The following NFILZ variants were observed in gnomAD, a reference collection of about 807,000 sequenced individuals.
NFILZ encodes the protein NFIL3 like basic leucine zipper.
chr19:8,663,746 G>GTGTGTATGTGTGTGTA (rs1555674960), intron 3 of NFILZ, among the ~76,000 whole-genome samples: 954 of 51,940 alleles, frequency 0.018, 30 homozygotes, highest in African/African-American at 0.038. Context: ...GTGTGTGTGT[G>GTGTGTATGTGTGTGTA]TGTGTGTGTG....
At chr19:8,634,515 T>C (rs1265924127) in intron 2 of NFILZ, among the ~76,000 whole-genome samples, 1 of 152,228 alleles carries the variant, frequency 6.6e-6, no homozygotes, top group East Asian at 1.9e-4. Flanking sequence ...TCCTCTTGCC[T>C]CAGCCTACCA....
In NFILZ at chr19:8,678,927, G is replaced by C. The variant is rs2043131832; in HGVS notation, c.*1292G>C. Among the ~76,000 whole-genome samples, 1 of 152,156 alleles carries C rather than the reference G, an allele frequency of 6.6e-6. No homozygotes were observed. The highest frequency in any genetic ancestry group is 1.5e-5 in the Non-Finnish European group (1 of 68,014). On this transcript the variant is annotated 3_prime_UTR_variant, in exon 6 of 6. Transcript: ENST00000691075. ...TCCTGGGGTAGGAATGGGTGTTTGGGAAGAAACATACTGAAGACCAGACTG... is the reference window on the plus strand; with the variant it reads ...TCCTGGGGTAGGAATGGGTGTTTGGCAAGAAACATACTGAAGACCAGACTG...
chr19:8,644,670 T>C (rs782329486), intron 3 of NFILZ, among the ~76,000 whole-genome samples: 1 of 152,108 alleles, frequency 6.6e-6, no homozygotes, highest in Non-Finnish European at 1.5e-5. Context: ...CTTACCGTGT[T>C]GCCCAGGCTG....
At chr19:8,638,153 G>A (rs1210788027) in intron 3 of NFILZ, among the ~76,000 whole-genome samples, 4 of 152,002 alleles carry the variant, frequency 2.6e-5, no homozygotes, top group African/African-American at 9.7e-5. Context: ...AAAGAATTGG[G>A]CACAGGCACA....
At chr19:8,672,429 T>A (rs554232563) in intron 3 of NFILZ, among the ~76,000 whole-genome samples, 3 of 151,700 alleles carry the variant, frequency 2.0e-5, no homozygotes, top group Non-Finnish European at 4.4e-5. Flanking sequence ...TAATTCAAAA[T>A]AATCCATGCA....
At chr19:8,645,440 CCT>C (rs2042935246) in intron 3 of NFILZ, among the ~76,000 whole-genome samples, 1 of 151,862 alleles carries the variant, frequency 6.6e-6, no homozygotes, top group Non-Finnish European at 1.5e-5. Context: ...GTTCCTGGCT[CCT>C]ACATTACTTT....
intron 4 of NFILZ, among the ~76,000 whole-genome samples, chr19:8,676,021 A>G (rs2043108607): frequency 6.6e-6 from 1 of 152,194 alleles, no homozygotes; most frequent in Non-Finnish European, 1.5e-5. Flanking sequence ...TGAATGGATG[A>G]GTGAGTAAGT....
rs1432956314 is a variant in NFILZ at position 8,680,174 on chromosome 19, C to A, written c.*2539C>A. The stretch of plus-strand genomic sequence containing the variant: ...TTGCACCACTGCAGTCCAGCCTGGG[C>A]GACAGAGCGAGACTCCATCTGAAAA... On this transcript the variant is annotated 3_prime_UTR_variant, in exon 6 of 6. Transcript: ENST00000691075. Among the ~76,000 whole-genome samples the A allele has an allele frequency of 7.8e-6, 1 of 128,290 alleles. No individual in the cohort carries two copies. Among genetic ancestry groups the A allele is most frequent in the Non-Finnish European group, 1.6e-5 (1 of 64,412 alleles). 84.2% of individuals were successfully genotyped at this position (128,290 alleles called of 152,430 possible).
intron 3 of NFILZ, among the ~76,000 whole-genome samples, chr19:8,656,277 A>G (rs1337748751): frequency 2.2e-5 from 2 of 90,822 alleles, no homozygotes; most frequent in South Asian, 4.8e-4. Flanking sequence ...TCTGAAGCCC[A>G]CCTTCTCCCC....
At chr19:8,647,078 A>T (rs2042942045) in intron 3 of NFILZ, among the ~76,000 whole-genome samples, 1 of 152,308 alleles carries the variant, frequency 6.6e-6, no homozygotes, top group South Asian at 2.1e-4. Context: ...TGAGGATCAG[A>T]GGAGGCTATT....
intron 3 of NFILZ, among the ~76,000 whole-genome samples, chr19:8,636,881 T>G (rs1465601355): frequency 1.3e-5 from 2 of 152,118 alleles, no homozygotes; most frequent in Non-Finnish European, 2.9e-5. Context: ...CATTAGCCAT[T>G]GCGCCTGGCC....
chr19:8,660,419 C>T (rs1020635258), intron 3 of NFILZ, among the ~76,000 whole-genome samples: 2 of 151,758 alleles, frequency 1.3e-5, no homozygotes, highest in African/African-American at 2.4e-5. Flanking sequence ...CAAGCAAATA[C>T]GACCATCGGT....
At chr19:8,639,666 C>T (rs2042910547) in intron 3 of NFILZ, among the ~76,000 whole-genome samples, 1 of 151,810 alleles carries the variant, frequency 6.6e-6, no homozygotes, top group Non-Finnish European at 1.5e-5. Flanking sequence ...TGAGGGTGTC[C>T]TCTCTGGCTG....
chr19:8,653,122 C>G (rs1156633133), intron 3 of NFILZ, among the ~76,000 whole-genome samples: 2 of 149,532 alleles, frequency 1.3e-5, no homozygotes, highest in Non-Finnish European at 3.0e-5. Flanking sequence ...GCTCTTGTTG[C>G]CCAGGCTGGA....
At position 8,659,261 on chromosome 19, in the gene NFILZ, T is replaced by A. The variant is rs546481059; in HGVS notation, c.-163-15290T>A. Among the ~76,000 whole-genome samples, 73 of 150,072 alleles carry A rather than the reference T, an allele frequency of 4.9e-4. No individual in the cohort carries two copies. The South Asian group carries it at 6.1e-3, about 13-fold the overall frequency. On this transcript the variant is annotated intron_variant, in intron 3 of 5. Transcript: ENST00000691075. ...AGACTCCATCTCAAAAAAAAAAAATTTTTTTTTAAAAAGAAAGAGACATTA... is the reference window on the plus strand; with the variant it reads ...AGACTCCATCTCAAAAAAAAAAAATATTTTTTTAAAAAGAAAGAGACATTA...
intron 3 of NFILZ, among the ~76,000 whole-genome samples, chr19:8,659,871 G>A (rs1555748882): frequency 1.3e-5 from 2 of 151,978 alleles, no homozygotes; most frequent in African/African-American, 4.8e-5. Flanking sequence ...TTTGAGCATA[G>A]TTTCGGAGAT....
intron 3 of NFILZ, among the ~76,000 whole-genome samples, chr19:8,656,709 C>T (rs1416253405): frequency 1.3e-5 from 2 of 152,346 alleles, no homozygotes; most frequent in East Asian, 3.9e-4. Context: ...AGAGCATGGC[C>T]TCCTTGCACT....
At chr19:8,666,256 A>G (rs138880970) in intron 3 of NFILZ, among the ~76,000 whole-genome samples, 10 of 152,044 alleles carry the variant, frequency 6.6e-5, no homozygotes, top group East Asian at 1.9e-4. Context: ...TGTCACTCCT[A>G]TCATCCAGGT....
intron 1 of NFILZ, 34 bp from the exon 2 acceptor site, chr19:8,632,442 G>C (rs1356530730): frequency 2.0e-5 from 3 of 152,052 alleles, no homozygotes; most frequent in Non-Finnish European, 4.4e-5. Flanking sequence ...CAAGATACAG[G>C]TCATAAAGAC....
Sources: allele counts gnomAD v4.1 joint callset (sites outside exome capture counted in the v4.1 genomes callset), GRCh38; gene constraint gnomAD v4.1.1; transcripts MANE v1.5; gene names NCBI Gene and HGNC (gene_info 2026-07-23, HGNC 2026-07-21).